FAAH2: variants seen among roughly 807,000 people sequenced by gnomAD.
The protein encoded by FAAH2 is fatty acid amide hydrolase 2, also known as fatty-acid amide hydrolase 2.
In FAAH2, 60 loss-of-function variants were observed where a neutral mutation model predicts 36.9. The observed-to-expected ratio is 1.63, with a 90% confidence interval of 1.32 to 2.02. The LOEUF (loss-of-function observed/expected upper bound fraction) is 2.02. FAAH2 is among the 30% of genes most tolerant of loss of function. The pLI is 0.00. For synonymous variants in FAAH2, 214 were observed against 143.8 expected (o/e 1.49, Z -3.49); for missense variants, 689 against 397.5 (o/e 1.73, Z -6.23).
chrX:57,322,781 G>C (rs1284368183), intron 3 of FAAH2, among the ~76,000 whole-genome samples: 2 of 105,879 alleles, frequency 1.9e-5, no homozygotes, highest in Non-Finnish European at 3.9e-5. Flanking sequence ...CTCAGCTTGG[G>C]TATTCTGCTG....
intron 7 of FAAH2, among the ~76,000 whole-genome samples, chrX:57,414,593 TG>T (rs2055790125): frequency 9.0e-6 from 1 of 111,695 alleles, no homozygotes; most frequent in African/African-American, 3.3e-5. Context: ...ATAAGCTTTT[TG>T]ATTCGCTACT....
chrX:57,414,436 A>G (rs936648563), intron 7 of FAAH2, among the ~76,000 whole-genome samples: 2 of 111,770 alleles, frequency 1.8e-5, no homozygotes, highest in African/African-American at 6.5e-5. Flanking sequence ...AGGGTGTTGA[A>G]TTTTATCAAA....
At chrX:57,126,410 T>C in the FAAH2 span, among the ~76,000 whole-genome samples, 1 of 112,431 alleles carries the variant, frequency 8.9e-6, no homozygotes, top group African/African-American at 3.2e-5. Context: ...GAGTATGGAA[T>C]TACTGTTACA....
the FAAH2 span, among the ~76,000 whole-genome samples, chrX:57,195,723 T>G: frequency 2.7e-5 from 3 of 112,435 alleles, no homozygotes; most frequent in South Asian, 1.1e-3. Context: ...TTCCAGAATT[T>G]TTAGGGTTTC....
intron 7 of FAAH2, among the ~76,000 whole-genome samples, chrX:57,427,063 A>G (rs56216566): frequency 0.018 from 1,962 of 111,466 alleles, 18 homozygotes; most frequent in Middle Eastern, 0.037. Flanking sequence ...AGGAGGCATT[A>G]TAACTGATAT....
chrX:57,433,712 TTCTTC>T (rs2056351269), intron 8 of FAAH2, among the ~76,000 whole-genome samples: 1 of 112,302 alleles, frequency 8.9e-6, no homozygotes, highest in Non-Finnish European at 1.9e-5. Flanking sequence ...TAGACCTTAT[TTCTTC>T]TCTTTTTATA....
chrX:57,210,602 A>T, the FAAH2 span, among the ~76,000 whole-genome samples: 3,460 of 112,467 alleles, frequency 0.031, 115 homozygotes, highest in African/African-American at 0.11. Context: ...AAGGGATCTT[A>T]CTCAACCTTT....
chrX:57,160,816 G>C, the FAAH2 span, among the ~76,000 whole-genome samples: 1 of 111,714 alleles, frequency 9.0e-6, no homozygotes, highest in Non-Finnish European at 1.9e-5. Flanking sequence ...ACCAGCTCCT[G>C]GATTGATTGA....
chrX:57,312,537 G>C (rs2052723396), intron 3 of FAAH2, among the ~76,000 whole-genome samples: 1 of 110,482 alleles, frequency 9.1e-6, no homozygotes, highest in African/African-American at 3.3e-5. Context: ...AAAATTAGCT[G>C]GGCATGGTGG....
chrX:57,368,743 T>G (rs968492212), intron 5 of FAAH2, among the ~76,000 whole-genome samples: 7 of 111,200 alleles, frequency 6.3e-5, no homozygotes, highest in African/African-American at 2.3e-4. Context: ...TGAAAGACAC[T>G]TGATAATATT....
At chrX:57,468,904 C>G (rs1362685862) in intron 10 of FAAH2, among the ~76,000 whole-genome samples, 2 of 112,114 alleles carry the variant, frequency 1.8e-5, no homozygotes, top group African/African-American at 6.5e-5. Context: ...GATCTCTCAG[C>G]AGAAACTCTA....
chrX:57,363,056 G>A (rs752341424), intron 5 of FAAH2, among the ~76,000 whole-genome samples: 64 of 111,485 alleles, frequency 5.7e-4, no homozygotes, highest in Non-Finnish European at 1.0e-3. Flanking sequence ...TTGGCTATTC[G>A]GGCTTTTCTT....
chrX:57,248,747 C>T, the FAAH2 span, among the ~76,000 whole-genome samples: 1 of 71,896 alleles, frequency 1.4e-5, no homozygotes, highest in Non-Finnish European at 2.5e-5. Context: ...GAGCAAAGCT[C>T]CGTCTCAAAA....
the FAAH2 span, among the ~76,000 whole-genome samples, chrX:57,198,794 T>C: frequency 8.9e-6 from 1 of 112,208 alleles, no homozygotes; most frequent in South Asian, 3.7e-4. Flanking sequence ...CTGCTTCTTC[T>C]TCTACTTTTA....
At chrX:57,276,946 C>A in the FAAH2 span, among the ~76,000 whole-genome samples, 1 of 111,026 alleles carries the variant, frequency 9.0e-6, no homozygotes, top group Admixed American at 9.5e-5. Flanking sequence ...GTTTACCAAC[C>A]AAAAAAAGTC....
the FAAH2 span, among the ~76,000 whole-genome samples, chrX:57,198,550 A>G: frequency 8.9e-6 from 1 of 112,468 alleles, no homozygotes; most frequent in Non-Finnish European, 1.9e-5. Flanking sequence ...CCCACCTGCC[A>G]TGACCTCTAT....
At chrX:57,209,384 G>A in the FAAH2 span, among the ~76,000 whole-genome samples, 1 of 111,652 alleles carries the variant, frequency 9.0e-6, no homozygotes, top group African/African-American at 3.3e-5. Flanking sequence ...GGGCTCTTTA[G>A]TTAACAGACA....
At chrX:57,323,689 T>G (rs942915762) in intron 3 of FAAH2, among the ~76,000 whole-genome samples, 5 of 104,577 alleles carry the variant, frequency 4.8e-5, no homozygotes, top group Non-Finnish European at 9.8e-5. Flanking sequence ...GTTGTTTTTT[T>G]TTTTTTTTTT....
intron 7 of FAAH2, among the ~76,000 whole-genome samples, chrX:57,421,788 A>G (rs2056036966): frequency 8.9e-6 from 1 of 112,110 alleles, no homozygotes; most frequent in Non-Finnish European, 1.9e-5. Flanking sequence ...GACACACTTC[A>G]TTTGCTGTGA....
Sources: gnomAD v4.1 joint callset for allele counts (sites outside exome capture counted in the v4.1 genomes callset) on GRCh38, gnomAD v4.1.1 for gene constraint, MANE v1.5 for transcripts, NCBI Gene and HGNC (gene_info 2026-07-23, HGNC 2026-07-21) for gene names.